The following KSR1 variants were observed in gnomAD, a reference collection of about 807,000 sequenced individuals.
KSR1 encodes kinase suppressor of ras 1, also known as kinase suppressor of ras.
In KSR1, 35 loss-of-function variants were observed where a neutral mutation model predicts 92.9. That is an observed-to-expected ratio of 0.38 (90% CI 0.29 to 0.50). KSR1 has a LOEUF of 0.50. KSR1 is among the 20% of genes least tolerant of loss of function. KSR1 has a pLI of 0.94. For synonymous variants in KSR1, 467 were observed against 472.6 expected (o/e 0.99, Z 0.15); for missense variants, 972 against 1,158.5 (o/e 0.84, Z 2.34).
At chr17:27,513,112 A>G (rs748763609) in intron 1 of KSR1, among the ~76,000 whole-genome samples, 9 of 152,284 alleles carry the variant, frequency 5.9e-5, no homozygotes, top group Non-Finnish European at 1.3e-4. Flanking sequence ...ATCATGCTGT[A>G]TATATTCTTT....
At chr17:27,603,959 C>T in intron 12 of KSR1, 71 bp downstream of exon 12, 2 of 1,450,754 alleles carry the variant, frequency 1.4e-6, no homozygotes, top group Non-Finnish European at 1.9e-6. Flanking sequence ...TATCCCTGGC[C>T]ACCTCCCACT....
chr17:27,470,229 T>C (rs2019917563), intron 1 of KSR1, among the ~76,000 whole-genome samples: 1 of 150,442 alleles, frequency 6.6e-6, no homozygotes, highest in African/African-American at 2.5e-5. Context: ...CTAAGTTTTG[T>C]TTTTGTTTGT....
chr17:27,517,684 A>G (rs890963225), intron 1 of KSR1, among the ~76,000 whole-genome samples: 3 of 152,152 alleles, frequency 2.0e-5, no homozygotes, highest in African/African-American at 7.2e-5. Flanking sequence ...ATGGATTTCA[A>G]CCTGGAGTTG....
chr17:27,500,934 A>G (rs2069155303), intron 1 of KSR1, among the ~76,000 whole-genome samples: 1 of 152,250 alleles, frequency 6.6e-6, no homozygotes, highest in Admixed American at 6.5e-5. Flanking sequence ...TCCAGGATGC[A>G]GGATTCATAA....
In KSR1 at chr17:27,601,344, C is replaced by T. The variant is rs1204035793; in HGVS notation, c.1469-16C>T. On this transcript the variant is annotated splice_polypyrimidine_tract_variant and intron_variant, in intron 10 of 20. Transcript: ENST00000644974. ...GCCGTTCTGTGTGTGTGACTCACCTCCTCTTCTGTTTAAAGCTGCCTACTT... is the reference window on the plus strand; with the variant it reads ...GCCGTTCTGTGTGTGTGACTCACCTTCTCTTCTGTTTAAAGCTGCCTACTT... 1.2e-6 allele frequency: 2 copies of T among 1,611,980 alleles called. No individual in the cohort carries two copies. Among genetic ancestry groups the T allele is most frequent in the Admixed American group, 1.7e-5 (1 of 59,982 alleles).
intron 18 of KSR1, among the ~76,000 whole-genome samples, chr17:27,615,030 C>T (rs1018999136): frequency 6.6e-6 from 1 of 152,162 alleles, no homozygotes; most frequent in African/African-American, 2.4e-5. Flanking sequence ...GCTGAGGCAG[C>T]CAGTGAGTTA....
At chr17:27,599,913 C>T (rs190259510) in intron 10 of KSR1, among the ~76,000 whole-genome samples, 1 of 152,046 alleles carries the variant, frequency 6.6e-6, no homozygotes, top group Admixed American at 6.5e-5. Flanking sequence ...GACACACACG[C>T]TAGCCTAGGC....
At chr17:27,552,089 G>A (rs2071416592) in intron 2 of KSR1, among the ~76,000 whole-genome samples, 4 of 152,186 alleles carry the variant, frequency 2.6e-5, no homozygotes, top group Admixed American at 1.3e-4. Context: ...TTTTTCTGGT[G>A]TTGAGTGTTG....
intron 1 of KSR1, 61 bp from the exon 2 acceptor site, chr17:27,550,507 G>A: frequency 1.3e-6 from 1 of 754,558 alleles, no homozygotes. Context: ...AGTGTGCTTG[G>A]GCCTGCCATA....
chr17:27,590,955 C>A, intron 7 of KSR1, 61 bp downstream of exon 7: 2 of 1,415,616 alleles, frequency 1.4e-6, no homozygotes, highest in Non-Finnish European at 2.0e-6. Flanking sequence ...AAATCAAATG[C>A]GCTTCCCTAT....
intron 1 of KSR1, among the ~76,000 whole-genome samples, chr17:27,479,047 C>CATGCTCCTCCCTCCATCT: frequency 1.3e-5 from 2 of 148,958 alleles, no homozygotes; most frequent in Middle Eastern, 3.6e-3. Flanking sequence ...TCCCTCCATC[C>CATGCTCCTCCCTCCATCT]ATGCTCCTCC....
At chr17:27,563,976 G>A (rs1294884591) in intron 2 of KSR1, among the ~76,000 whole-genome samples, 2 of 122,030 alleles carry the variant, frequency 1.6e-5, no homozygotes, top group Non-Finnish European at 1.8e-5. Context: ...GTTGGTATTC[G>A]GTAGCTTTTT....
rs1160772982 is a variant in KSR1, at chr17:27,577,104, A to T, written c.373-388A>T. Among the ~76,000 whole-genome samples, 2 of 150,160 alleles carry T rather than the reference A, an allele frequency of 1.3e-5. No individual in the cohort carries two copies. Among genetic ancestry groups the T allele is most frequent in the Non-Finnish European group, 3.0e-5 (2 of 67,676 alleles). Reference sequence around the variant, plus strand: ...GCCAGTTTGATTTGAAATCTCTCTTATCTGATTCAGATACAACAAAATTGT... The same window carrying T: ...GCCAGTTTGATTTGAAATCTCTCTTTTCTGATTCAGATACAACAAAATTGT... On this transcript the variant is annotated intron_variant, in intron 2 of 20. Transcript: ENST00000644974. The surrounding 1 kb of genome is among the most constrained non-coding windows in gnomAD (Gnocchi z 4.5).
intron 1 of KSR1, among the ~76,000 whole-genome samples, chr17:27,531,912 C>G (rs550051959): frequency 1.3e-5 from 2 of 152,304 alleles, no homozygotes; most frequent in East Asian, 1.9e-4. Context: ...AAATAGGGAA[C>G]CAGCGTTACC....
rs532222112 is a variant in KSR1, at chr17:27,610,160, G to A, written c.2319G>A (p.Gln773=). 1 of 1,614,046 alleles carries A rather than the reference G, an allele frequency of 6.2e-7. No homozygotes were observed. Among genetic ancestry groups the A allele is most frequent in the East Asian group, 2.2e-5 (1 of 44,888 alleles). Residue 773 remains glutamine, a synonymous_variant, in exon 17 of 21, where the codon CAG becomes CAA. Transcript: ENST00000644974. ...REMTPGKDED[Q]LPFSKAADVY... The stretch of plus-strand genomic sequence containing the variant: ...TGACCCCCGGGAAGGACGAGGATCA[G>A]CTGCCATTCTCCAAAGCTGCTGATG...
rs2072040006 is a variant in KSR1 at position 27,565,848 on chromosome 17, G to A, written c.373-11644G>A. 1.3e-5 allele frequency among the ~76,000 whole-genome samples: 2 copies of A among 152,208 alleles called. 1 individual carries two copies. The highest frequency in any genetic ancestry group is 4.1e-4 in the South Asian group (2 of 4,830). On this transcript the variant is annotated intron_variant, in intron 2 of 20. Coordinates refer to ENST00000644974, the MANE Select transcript of KSR1 (RefSeq NM_001394583.1). ...CCCCCACATAACCCTGCCAGCCACT[G>A]ATAGCCAGCACTTAACTGTTTTCTA...
At chr17:27,457,713 A>G (rs1481937161) in intron 1 of KSR1, among the ~76,000 whole-genome samples, 2 of 152,192 alleles carry the variant, frequency 1.3e-5, no homozygotes, top group African/African-American at 2.4e-5. Flanking sequence ...CACCCTGTCC[A>G]TACACAAATG....
intron 2 of KSR1, among the ~76,000 whole-genome samples, chr17:27,572,275 C>T (rs1423020492): frequency 6.6e-6 from 1 of 152,212 alleles, no homozygotes; most frequent in Non-Finnish European, 1.5e-5. Flanking sequence ...TCACTCTGCT[C>T]CTCATTCCTG....
Position 27,526,044 on chromosome 17 carries a change from T to C in KSR1, c.232-24524T>C, listed in dbSNP as rs61032521. On this transcript the variant is annotated intron_variant, in intron 1 of 20. Coordinates refer to ENST00000644974, the MANE Select transcript of KSR1 (RefSeq NM_001394583.1). ...TTTCTTTTCTTTTCTTTTCTTTTCT[T>C]TCTCTCTCTCTCTCTCTCTTTCTTT... is the stretch of plus-strand genomic sequence containing the variant. Among the ~76,000 whole-genome samples, 562 of 122,734 alleles carry C rather than the reference T, an allele frequency of 4.6e-3. 2 individuals are homozygous for C. Among genetic ancestry groups the C allele is most frequent in the Non-Finnish European group, 6.6e-3 (402 of 61,122 alleles). The allele number at this position is 122,734 out of a possible 152,430, so 80.5% of individuals were successfully genotyped here.
Sources: allele counts gnomAD v4.1 joint callset (sites outside exome capture counted in the v4.1 genomes callset), GRCh38; gene constraint gnomAD v4.1.1; non-coding constraint Gnocchi (gnomAD v3.1); transcripts MANE v1.5; gene names NCBI Gene and HGNC (gene_info 2026-07-23, HGNC 2026-07-21).